ATP13A4: variants seen among roughly 807,000 people sequenced by gnomAD.
ATP13A4 encodes probable cation-transporting ATPase 13A4.
ATP13A4 carries 114 observed loss-of-function variants against 142.5 expected under a neutral mutation model. That is an observed-to-expected ratio of 0.80 (90% CI 0.69 to 0.93). The LOEUF (loss-of-function observed/expected upper bound fraction) is 0.93. ATP13A4 is among the 40% of genes least tolerant of loss of function. ATP13A4 has a pLI of 0.00. For missense variants in ATP13A4, 1,392 were observed against 1,454.0 expected (o/e 0.96, Z 0.69); for synonymous variants, 488 against 514.8 (o/e 0.95, Z 0.70).
At chr3:193,563,751 TTTC>T (rs1431130819) in intron 2 of ATP13A4, among the ~76,000 whole-genome samples, 1 of 152,252 alleles carries the variant, frequency 6.6e-6, no homozygotes, top group Non-Finnish European at 1.5e-5. Flanking sequence ...TTATAGACTA[TTTC>T]TTGTTAGGAA....
rs550081502 is a variant in ATP13A4 at position 193,499,848 on chromosome 3, T to C, written c.381+2645A>G. ...AAAAATGTATAAAACATAATAGACA[T>C]GAAACATCTGTAGATGAACGCAGCA... On this transcript the variant is annotated intron_variant, in intron 3 of 29. Coordinates refer to ENST00000342695, the MANE Select transcript of ATP13A4 (RefSeq NM_032279.4). Among the ~76,000 whole-genome samples, 4 of 152,174 alleles carry C rather than the reference T, an allele frequency of 2.6e-5. No homozygotes were observed. The South Asian group carries it at 8.3e-4, about 32-fold the overall frequency.
At chr3:193,510,038 C>T (rs1233732310) in intron 2 of ATP13A4, among the ~76,000 whole-genome samples, 1 of 152,120 alleles carries the variant, frequency 6.6e-6, no homozygotes, top group Non-Finnish European at 1.5e-5. Flanking sequence ...TCAGAAGAAA[C>T]TTTATGGGTA....
intron 16 of ATP13A4, among the ~76,000 whole-genome samples, chr3:193,455,316 G>C (rs1273900971): frequency 2.1e-5 from 3 of 143,670 alleles, no homozygotes; most frequent in Non-Finnish European, 4.5e-5. Context: ...ACTCCAGCCT[G>C]GGCAACAGAG....
At position 193,484,025 on chromosome 3, in the gene ATP13A4, G is replaced by T; in HGVS notation, c.739-20C>A. 6.3e-7 allele frequency: 1 copy of T among 1,576,246 alleles called. No individual in the cohort carries two copies. ...AGATTGCTGAAAAAGAAGGAAAAAT[G>T]GAAAAGTCTTATCTATTTGAGCATA... is the stretch of plus-strand genomic sequence containing the variant. On this transcript the variant is annotated intron_variant, in intron 7 of 29. Transcript: ENST00000342695.
At chr3:193,468,683 G>A (rs1718446531) in intron 9 of ATP13A4, among the ~76,000 whole-genome samples, 1 of 152,218 alleles carries the variant, frequency 6.6e-6, no homozygotes, top group Non-Finnish European at 1.5e-5. Context: ...GCAGGTGGAG[G>A]TGAAAGTGAG....
intron 9 of ATP13A4, among the ~76,000 whole-genome samples, chr3:193,470,340 A>G (rs955792606): frequency 4.6e-5 from 7 of 152,204 alleles, no homozygotes; most frequent in Admixed American, 4.6e-4. Flanking sequence ...CAGTTAGTCC[A>G]TAACACCCAG....
intron 17 of ATP13A4, among the ~76,000 whole-genome samples, chr3:193,450,011 C>T (rs1310062385): frequency 1.3e-5 from 2 of 151,360 alleles, no homozygotes; most frequent in South Asian, 2.1e-4. Flanking sequence ...CCCAGCTACT[C>T]GGGAGGCTGA....
At chr3:193,450,688 G>A (rs1717223734) in intron 17 of ATP13A4, among the ~76,000 whole-genome samples, 1 of 152,214 alleles carries the variant, frequency 6.6e-6, no homozygotes, top group Non-Finnish European at 1.5e-5. Context: ...CATACCCTTA[G>A]AATGAACCTC....
intron 1 of ATP13A4, among the ~76,000 whole-genome samples, chr3:193,533,984 G>T (rs1455598329): frequency 6.6e-6 from 1 of 152,180 alleles, no homozygotes; most frequent in African/African-American, 2.4e-5. Context: ...CCAGTAGAGA[G>T]TTAGAACTTT....
chr3:193,462,646 C>G lies in ATP13A4; in HGVS notation c.1523+116G>C, dbSNP rs1348513141. On this transcript the variant is annotated intron_variant, in intron 13 of 29. Transcript: ENST00000342695. The stretch of plus-strand genomic sequence containing the variant: ...AGTTAAAAGAAGATACTTTGGCAAT[C>G]ATTGTCCACCAAAGCCAAAGTCCAA... The G allele has an allele frequency of 3.2e-5, 31 of 958,536 alleles. No individual in the cohort carries two copies. In the Admixed American group the frequency reaches 6.1e-4, roughly 19 times the overall value. 59.4% of individuals were successfully genotyped at this position (958,536 alleles called of 1,614,324 possible). A position where few individuals can be genotyped will look rare whatever the true frequency, so the allele number is the denominator to read the frequency against.
At chr3:193,549,735 T>A (rs927601117) in intron 1 of ATP13A4, among the ~76,000 whole-genome samples, 4 of 152,050 alleles carry the variant, frequency 2.6e-5, no homozygotes, top group Non-Finnish European at 4.4e-5. Context: ...AGGAGGCTGA[T>A]GTGGGAGGAT....
chr3:193,467,230 C>G, intron 10 of ATP13A4, 86 bp downstream of exon 10: 2 of 1,358,132 alleles, frequency 1.5e-6, no homozygotes, highest in East Asian at 2.4e-5. Flanking sequence ...GAAAAAACAG[C>G]TTCTCTTTAC....
intron 25 of ATP13A4, among the ~76,000 whole-genome samples, chr3:193,416,050 TTTTG>T (rs990405381): frequency 4.6e-5 from 7 of 152,104 alleles, no homozygotes; most frequent in African/African-American, 1.2e-4. Flanking sequence ...CTGGAGAAGG[TTTTG>T]TTTGTTTGTT....
intron 2 of ATP13A4, among the ~76,000 whole-genome samples, chr3:193,509,395 T>A (rs1368770131): frequency 6.6e-6 from 1 of 152,216 alleles, no homozygotes; most frequent in Non-Finnish European, 1.5e-5. Context: ...ACTTACACAC[T>A]TGCCCATGAG....
At chr3:193,491,800 C>T (rs1262179481) in intron 5 of ATP13A4, among the ~76,000 whole-genome samples, 4 of 152,068 alleles carry the variant, frequency 2.6e-5, no homozygotes, top group African/African-American at 9.7e-5. Context: ...TAAGGAAATG[C>T]TGTTTCTACT....
chr3:193,588,618 A>G (rs1274502143), intron 1 of ATP13A4, among the ~76,000 whole-genome samples: 1 of 152,094 alleles, frequency 6.6e-6, no homozygotes, highest in Admixed American at 6.6e-5. Context: ...CCTGACCCTC[A>G]GTTTCCCTCT....
intron 3 of ATP13A4, among the ~76,000 whole-genome samples, chr3:193,499,377 T>C (rs1274642118): frequency 6.6e-6 from 1 of 152,244 alleles, no homozygotes; most frequent in Non-Finnish European, 1.5e-5. Context: ...CAATTTACTT[T>C]TCTCTTCAGT....
chr3:193,476,845 G>A (rs1476445606), intron 8 of ATP13A4, among the ~76,000 whole-genome samples: 2 of 152,058 alleles, frequency 1.3e-5, no homozygotes, highest in South Asian at 2.1e-4. Context: ...TATCTTACAT[G>A]AGCATGGTTC....
intron 1 of ATP13A4, among the ~76,000 whole-genome samples, chr3:193,586,256 A>T (rs1724668221): frequency 6.6e-6 from 1 of 152,146 alleles, no homozygotes; most frequent in African/African-American, 2.4e-5. Flanking sequence ...TATACGTTCT[A>T]AAAATATTTT....
Sources: allele counts gnomAD v4.1 joint callset (sites outside exome capture counted in the v4.1 genomes callset), GRCh38; gene constraint gnomAD v4.1.1; transcripts MANE v1.5; gene names NCBI Gene and HGNC (gene_info 2026-07-23, HGNC 2026-07-21).